The following CLEC20A variants were observed in gnomAD, a reference collection of about 807,000 sequenced individuals.
CLEC20A encodes the protein putative C-type lectin domain family 20 member A.
At chr1:178,493,338 G>A (rs1460139753) in intron 2 of CLEC20A, 2 of 152,594 alleles carry the variant, frequency 1.3e-5, no homozygotes, top group Non-Finnish European at 2.9e-5. Flanking sequence ...AAGGTCCCGG[G>A]GCAGGCACCA....
chr1:178,486,475 G>A (rs1041050990), intron 5 of CLEC20A: 2 of 398,686 alleles, frequency 5.0e-6, no homozygotes, highest in African/African-American at 2.1e-5. Flanking sequence ...CTCTGGGCGG[G>A]TGTCTTGGCT....
chr1:178,482,196 G>A (rs1200251289), intron 7 of CLEC20A, 116 bp downstream of exon 7: 1 of 396,786 alleles, frequency 2.5e-6, no homozygotes, highest in African/African-American at 2.1e-5. Context: ...GATGGCAGTG[G>A]AACAAGATGA....
In CLEC20A at chr1:178,491,983, A is replaced by G. The variant is rs531604155; in HGVS notation, c.463+518T>C. On this transcript the variant is annotated intron_variant, in intron 3 of 7. Transcript: ENST00000623247. ...GCCAGTCACCCTCCCCTCTGGGCCC[A>G]TCAGAATAATAAAGACAATGGCCGG... Among the ~76,000 whole-genome samples, 6 of 152,132 alleles carry G rather than the reference A, an allele frequency of 3.9e-5. No homozygotes were observed. The South Asian group carries it at 1.2e-3, about 32-fold the overall frequency.
rs185081296 is a variant in CLEC20A at position 178,488,085 on chromosome 1, G to A, written c.928+416C>T. ...AGCCTGCAATTCCGAGGGACTTTGC[G>A]GTGCTTCCCTCTGGATGCTGAGCCT... is the stretch of plus-strand genomic sequence containing the variant. On this transcript the variant is annotated intron_variant, in intron 5 of 7. Transcript: ENST00000623247. 1.2e-4 allele frequency among the ~76,000 whole-genome samples: 19 copies of A among 152,252 alleles called. No homozygotes were observed. In the East Asian group the frequency reaches 3.3e-3, roughly 26 times the overall value.
chr1:178,496,878 C>T (rs1301638159), intron 1 of CLEC20A, 22 bp downstream of exon 1: 6 of 398,656 alleles, frequency 1.5e-5, no homozygotes, highest in East Asian at 7.1e-5. Flanking sequence ...CAGGCACCCT[C>T]CTCCAGGTTG....
intron 3 of CLEC20A, among the ~76,000 whole-genome samples, chr1:178,491,972 C>A (rs929357812): frequency 6.6e-6 from 1 of 152,040 alleles, no homozygotes; most frequent in Admixed American, 6.6e-5. Context: ...GTCACCCTCC[C>A]CTCTGGGCCC....
chr1:178,489,458 G>C (rs1649225888), intron 4 of CLEC20A, among the ~76,000 whole-genome samples: 1 of 152,056 alleles, frequency 6.6e-6, no homozygotes, highest in Non-Finnish European at 1.5e-5. Context: ...AGAGAGGTGG[G>C]GAATGAGGAA....
intron 4 of CLEC20A, among the ~76,000 whole-genome samples, chr1:178,489,403 A>G (rs1649225316): frequency 6.6e-6 from 1 of 152,096 alleles, no homozygotes; most frequent in Admixed American, 6.5e-5. Flanking sequence ...AAAATAAGGT[A>G]AATTTTAAGA....
chr1:178,482,612 C>T (rs1351179733), intron 6 of CLEC20A: 5 of 377,026 alleles, frequency 1.3e-5, no homozygotes, highest in Non-Finnish European at 2.3e-5. Flanking sequence ...TTGGGTAATG[C>T]GAAGTCTTCC....
exon 4 of CLEC20A, chr1:178,490,219 T>C: frequency 2.5e-6 from 1 of 398,832 alleles, no homozygotes; most frequent in Non-Finnish European, 4.4e-6. Flanking sequence ...CCCAGGTCAC[T>C]GGACCAGCTC....
Position 178,492,643 on chromosome 1 carries a change from G to A in CLEC20A, c.398-77C>T, listed in dbSNP as rs748748746. The stretch of plus-strand genomic sequence containing the variant: ...AGGCAGGAGCTGTCCGGTTATAGCC[G>A]GGAAAACCTAGCTCAGGGGCAGACA... On this transcript the variant is annotated intron_variant, in intron 2 of 7. Transcript: ENST00000623247. The A allele has an allele frequency of 4.8e-5, 19 of 398,264 alleles. 1 individual carries two copies. The highest frequency in any genetic ancestry group is 8.8e-5 in the Admixed American group (2 of 22,710). The allele number at this position is 398,264 out of a possible 1,614,324, so 24.7% of individuals were successfully genotyped here.
At chr1:178,480,413 T>C (rs992768420) in intron 7 of CLEC20A, 8 of 152,176 alleles carry the variant, frequency 5.3e-5, no homozygotes, top group Non-Finnish European at 1.2e-4. Flanking sequence ...GGCTTCTGGT[T>C]TGGAGTCAGA....
chr1:178,494,762 G>A lies in CLEC20A; in HGVS notation c.89C>T (p.Ala30Val), dbSNP rs183116531. The change falls in exon 2 of 8, where the codon GCG becomes GTG. Residue 30 changes from alanine (A) to valine (V), a missense_variant. Physicochemically the swap from Ala to Val is moderately conservative, Grantham distance 64. Transcript: ENST00000623247. Reference sequence around the variant, plus strand: ...CTGCTGGGCGTCGTACCAGCTCAGCGCCTCCTTCACCAGAACCAAGTCCCT... The same window carrying A: ...CTGCTGGGCGTCGTACCAGCTCAGCACCTCCTTCACCAGAACCAAGTCCCT... 8.5e-5 allele frequency: 34 copies of A among 399,264 alleles called. No individual in the cohort carries two copies. In the Admixed American group the frequency reaches 1.1e-3, roughly 12 times the overall value. The allele number at this position is 399,264 out of a possible 1,614,324, so 24.7% of individuals were successfully genotyped here.
chr1:178,491,966 C>T (rs1412355793), intron 3 of CLEC20A, among the ~76,000 whole-genome samples: 1 of 152,028 alleles, frequency 6.6e-6, no homozygotes, highest in East Asian at 1.9e-4. Context: ...GAGCCAGTCA[C>T]CCTCCCCTCT....
intron 2 of CLEC20A, chr1:178,493,339 G>A: frequency 6.5e-6 from 1 of 152,728 alleles, no homozygotes; most frequent in Non-Finnish European, 1.5e-5. Context: ...AGGTCCCGGG[G>A]CAGGCACCAC....
intron 3 of CLEC20A, among the ~76,000 whole-genome samples, chr1:178,492,011 C>A (rs769356516): frequency 6.6e-6 from 1 of 152,142 alleles, no homozygotes; most frequent in Non-Finnish European, 1.5e-5. Flanking sequence ...ATGGCCGGCT[C>A]GGTGGCTCAT....
intron 5 of CLEC20A, among the ~76,000 whole-genome samples, 173 bp downstream of exon 5, chr1:178,488,328 C>T (rs572721781): frequency 2.6e-5 from 4 of 152,322 alleles, no homozygotes; most frequent in East Asian, 1.9e-4. Flanking sequence ...GGGTGGGGAG[C>T]GGAGGGAAAC....
Position 178,490,142 on chromosome 1 carries a change from G to A in CLEC20A, c.759C>T (p.Ile253=), listed in dbSNP as rs1306908969. ...ACACTTTTGGGGAGTAGGTCATATA[G>A]ATGCCAAGAGCTGTGCACAGTCCTC... is the stretch of plus-strand genomic sequence containing the variant. The change falls in exon 4 of 8, where the codon ATC becomes ATT. Residue 253 remains isoleucine, a synonymous_variant. Transcript: ENST00000623247. 7 of 398,592 alleles carry A rather than the reference G, an allele frequency of 1.8e-5. No homozygotes were observed. In the Admixed American group the frequency reaches 3.1e-4, roughly 18 times the overall value. 24.7% of individuals were successfully genotyped at this position (398,592 alleles called of 1,614,324 possible).
chr1:178,483,565 T>C, intron 5 of CLEC20A: 1 of 267,854 alleles, frequency 3.7e-6, no homozygotes, highest in Non-Finnish European at 6.9e-6. Context: ...AGGTTTTTCC[T>C]CATCAAATTT....
Sources: allele counts gnomAD v4.1 joint callset (sites outside exome capture counted in the v4.1 genomes callset), GRCh38; gene constraint gnomAD v4.1.1; transcripts MANE v1.5; gene names NCBI Gene and HGNC (gene_info 2026-07-23, HGNC 2026-07-21).